Variants in SLC25A40 observed in about 807,000 individuals in gnomAD.
SLC25A40 encodes solute carrier family 25 member 40.
SLC25A40 carries 41 observed loss-of-function variants against 46.5 expected under a neutral mutation model. The observed-to-expected ratio is 0.88, with a 90% CI of 0.69 to 1.14. The LOEUF (loss-of-function observed/expected upper bound fraction) is 1.14, where lower values mean the gene tolerates loss of function less well. Among genes scored for constraint, SLC25A40 ranks in the 50% most tolerant of loss-of-function variants. The pLI is 0.00. For synonymous variants in SLC25A40, 126 were observed against 127.5 expected (o/e 0.99, Z 0.08); for missense variants, 386 against 393.6 (o/e 0.98, Z 0.16).
chr7:87,867,175 C>A (rs1395257093), intron 1 of SLC25A40, among the ~76,000 whole-genome samples: 1 of 152,166 alleles, frequency 6.6e-6, no homozygotes, highest in Non-Finnish European at 1.5e-5. Flanking sequence ...GGAAAGTTTT[C>A]TGTTATTATT....
At chr7:87,871,085 A>G (rs564747779) in intron 1 of SLC25A40, among the ~76,000 whole-genome samples, 1 of 152,036 alleles carries the variant, frequency 6.6e-6, no homozygotes, top group East Asian at 1.9e-4. Flanking sequence ...GCCCAAAAGC[A>G]CTCGCCCTAG....
intron 1 of SLC25A40, among the ~76,000 whole-genome samples, chr7:87,869,587 T>C (rs1244639629): frequency 6.6e-6 from 1 of 152,070 alleles, no homozygotes; most frequent in East Asian, 1.9e-4. Flanking sequence ...CTATTTCAGT[T>C]CGTACCCCCT....
intron 8 of SLC25A40, 108 bp from the exon 9 acceptor site, chr7:87,843,971 A>G: frequency 7.3e-7 from 1 of 1,361,080 alleles, no homozygotes; most frequent in Non-Finnish European, 9.4e-7. Context: ...TCTAACCTTG[A>G]CATACCTTGC....
chr7:87,855,139 G>A (rs561265915), intron 4 of SLC25A40, among the ~76,000 whole-genome samples: 2 of 149,298 alleles, frequency 1.3e-5, no homozygotes, highest in African/African-American at 4.9e-5. Context: ...TCCAGCCTGG[G>A]TGACAGAGTA....
intron 1 of SLC25A40, among the ~76,000 whole-genome samples, chr7:87,868,451 C>G (rs934295166): frequency 6.6e-6 from 1 of 151,914 alleles, no homozygotes; most frequent in Non-Finnish European, 1.5e-5. Context: ...GAATCTGATC[C>G]CACAGGTTGA....
At chr7:87,875,664 T>G (rs1057284868) in intron 1 of SLC25A40, among the ~76,000 whole-genome samples, 9 of 152,222 alleles carry the variant, frequency 5.9e-5, no homozygotes, top group African/African-American at 1.7e-4. Context: ...GATGTTACTT[T>G]CCACTCCTTC....
At chr7:87,842,480 A>T (rs1034571768) in intron 9 of SLC25A40, among the ~76,000 whole-genome samples, 2 of 152,052 alleles carry the variant, frequency 1.3e-5, no homozygotes, top group African/African-American at 4.8e-5. Flanking sequence ...ATATGGTCAT[A>T]AAATGTCCCT....
rs933472858 is a variant in SLC25A40 at position 87,847,236 on chromosome 7, A to T, written c.458-114T>A. The T allele has an allele frequency of 3.8e-6, 3 of 797,292 alleles. No homozygotes were observed. The African/African-American group carries it at 5.4e-5, about 14-fold the overall frequency. 49.4% of individuals were successfully genotyped at this position (797,292 alleles called of 1,614,324 possible). ...TTTATATTTTAAACTTTTAGTCTAT[A>T]ATGTCTGAAAACCTTAAAATTAAAT... On this transcript the variant is annotated intron_variant, in intron 7 of 11. Transcript: ENST00000341119.
intron 7 of SLC25A40, among the ~76,000 whole-genome samples, chr7:87,847,392 A>G (rs998884607): frequency 6.6e-6 from 1 of 152,134 alleles, no homozygotes; most frequent in Admixed American, 6.5e-5. Flanking sequence ...GTTATAATCA[A>G]CCAGAACTAT....
chr7:87,848,541 TA>T (rs1838455933), intron 6 of SLC25A40, among the ~76,000 whole-genome samples: 1 of 152,178 alleles, frequency 6.6e-6, no homozygotes, highest in Non-Finnish European at 1.5e-5. Context: ...ATCAGCGAAA[TA>T]AAAAGTACGT....
chr7:87,861,503 T>C (rs1204719440), intron 1 of SLC25A40, among the ~76,000 whole-genome samples: 1 of 152,202 alleles, frequency 6.6e-6, no homozygotes, highest in Non-Finnish European at 1.5e-5. Flanking sequence ...TATACTAAAA[T>C]GTTATGATTT....
chr7:87,871,208 A>G (rs1838891107), intron 1 of SLC25A40, among the ~76,000 whole-genome samples: 1 of 152,222 alleles, frequency 6.6e-6, no homozygotes, highest in Non-Finnish European at 1.5e-5. Context: ...TGAAGGCGTC[A>G]GGGAAATACC....
chr7:87,855,403 T>C (rs878906699), intron 4 of SLC25A40, among the ~76,000 whole-genome samples: 5 of 152,196 alleles, frequency 3.3e-5, no homozygotes, highest in Admixed American at 2.6e-4. Context: ...GTATCTGTAC[T>C]GTACTGCTCA....
intron 2 of SLC25A40, chr7:87,860,027 C>T (rs1838673750): frequency 6.6e-6 from 1 of 152,132 alleles, no homozygotes; most frequent in Non-Finnish European, 1.5e-5. Flanking sequence ...GAAATCCAGT[C>T]TCTACTAAAA....
chr7:87,859,720 T>C (rs1838668737), intron 2 of SLC25A40, among the ~76,000 whole-genome samples: 1 of 152,228 alleles, frequency 6.6e-6, no homozygotes. Flanking sequence ...TTTTATTGCT[T>C]GCACGGTAGT....
chr7:87,867,251 T>C (rs1838817951), intron 1 of SLC25A40, among the ~76,000 whole-genome samples: 1 of 152,238 alleles, frequency 6.6e-6, no homozygotes, highest in African/African-American at 2.4e-5. Context: ...TTTGGTCTTT[T>C]GAAGTAATTT....
intron 6 of SLC25A40, 28 bp downstream of exon 6, chr7:87,849,853 G>A (rs1308674914): frequency 4.1e-6 from 6 of 1,455,822 alleles, no homozygotes; most frequent in Non-Finnish European, 5.7e-6. Context: ...TCATTATTTA[G>A]TAGAAAAAAC....
intron 1 of SLC25A40, among the ~76,000 whole-genome samples, chr7:87,868,539 T>C (rs1029716671): frequency 1.3e-5 from 2 of 152,080 alleles, no homozygotes; most frequent in Non-Finnish European, 2.9e-5. Flanking sequence ...CAGATTCGAG[T>C]TGGGGTTCCC....
chr7:87,860,105 G>C (rs921173608), intron 2 of SLC25A40: 1 of 152,178 alleles, frequency 6.6e-6, no homozygotes, highest in Non-Finnish European at 1.5e-5. Flanking sequence ...ACTGAGGCAT[G>C]AGAATCCCTT....
Sources: gnomAD v4.1 joint callset for allele counts (sites outside exome capture counted in the v4.1 genomes callset) on GRCh38, gnomAD v4.1.1 for gene constraint, MANE v1.5 for transcripts, NCBI Gene and HGNC (gene_info 2026-07-23, HGNC 2026-07-21) for gene names.